The following DACH2 variants were observed in gnomAD, a reference collection of about 807,000 sequenced individuals.
DACH2 encodes the protein dachshund family transcription factor 2, also known as dachshund homolog 2.
Under a neutral mutation model 35.8 loss-of-function variants are expected in DACH2, and 17 were observed. The observed-to-expected ratio is 0.48, with a 90% CI of 0.33 to 0.71. The LOEUF is 0.71. DACH2 is among the 30% of genes least tolerant of loss of function. The probability of loss-of-function intolerance (pLI) is 0.02; values close to 1 mark genes in which losing one functional copy is unlikely to be tolerated. For missense variants in DACH2, 469 were observed against 472.7 expected (o/e 0.99, Z 0.07); for synonymous variants, 195 against 177.3 (o/e 1.10, Z -0.79).
chrX:86,404,450 A>G (rs2036490227), intron 2 of DACH2, among the ~76,000 whole-genome samples: 1 of 111,967 alleles, frequency 8.9e-6, no homozygotes, highest in Non-Finnish European at 1.9e-5. Flanking sequence ...CAAGTCCAAA[A>G]TCCAATAGGG....
In DACH2 at chrX:86,195,779, A is replaced by G. The variant is rs373421705; in HGVS notation, c.488+46671A>G. 7.2e-4 allele frequency among the ~76,000 whole-genome samples: 80 copies of G among 111,015 alleles called. 2 individuals carry two copies. In the South Asian group the frequency reaches 0.031, roughly 43 times the overall value. On this transcript the variant is annotated intron_variant, in intron 1 of 11. Coordinates refer to ENST00000373125, the MANE Select transcript of DACH2 (RefSeq NM_053281.3). ...CTCAAGGAGCCAAAGTCAGGGCCCA[A>G]TACAAGTCCCCCTGCATTAGAGCAC...
chrX:86,685,763 G>A (rs755876499), intron 4 of DACH2, among the ~76,000 whole-genome samples: 2 of 110,433 alleles, frequency 1.8e-5, no homozygotes, highest in East Asian at 5.7e-4. Flanking sequence ...GGGTGAGGGC[G>A]AGGTTCCACA....
intron 2 of DACH2, among the ~76,000 whole-genome samples, chrX:86,387,221 G>A (rs2036134896): frequency 9.0e-6 from 1 of 111,388 alleles, no homozygotes; most frequent in South Asian, 3.7e-4. Flanking sequence ...AGGGTTTGGG[G>A]TCAAATAAAT....
chrX:86,506,680 C>T (rs891694632), intron 2 of DACH2, among the ~76,000 whole-genome samples: 1 of 111,844 alleles, frequency 8.9e-6, no homozygotes, highest in African/African-American at 3.2e-5. Context: ...AGGCATGAAC[C>T]ACCACACCTG....
chrX:86,235,669 A>G (rs1034866620), intron 1 of DACH2, among the ~76,000 whole-genome samples: 5 of 112,375 alleles, frequency 4.4e-5, no homozygotes, highest in Non-Finnish European at 9.4e-5. Flanking sequence ...AAAATTATTT[A>G]AAATACTCTA....
At chrX:86,725,237 G>A (rs1200146267) in intron 6 of DACH2, among the ~76,000 whole-genome samples, 1 of 110,747 alleles carries the variant, frequency 9.0e-6, no homozygotes, top group East Asian at 2.8e-4. Context: ...GTTTTATTGT[G>A]TCATATTTCC....
chrX:86,539,088 G>A (rs901382754), intron 3 of DACH2, among the ~76,000 whole-genome samples: 40 of 111,150 alleles, frequency 3.6e-4, no homozygotes, highest in Non-Finnish European at 7.0e-4. Flanking sequence ...ATCTCATCTC[G>A]AATTGTAATC....
At chrX:86,360,807 G>C (rs776374280) in intron 1 of DACH2, among the ~76,000 whole-genome samples, 3 of 111,140 alleles carry the variant, frequency 2.7e-5, no homozygotes, top group South Asian at 3.7e-4. Context: ...AAACATTTTT[G>C]CCCTAATAGC....
At chrX:86,696,161 C>T (rs1360804240) in intron 5 of DACH2, among the ~76,000 whole-genome samples, 5 of 111,015 alleles carry the variant, frequency 4.5e-5, no homozygotes, top group African/African-American at 1.3e-4. Flanking sequence ...ATGGATAATC[C>T]AGGATAGGGT....
chrX:86,189,991 C>T (rs1290745900), intron 1 of DACH2, among the ~76,000 whole-genome samples: 1 of 109,191 alleles, frequency 9.2e-6, no homozygotes, highest in Non-Finnish European at 1.9e-5. Flanking sequence ...TGGTGAAACC[C>T]CGTCTCTACT....
chrX:86,796,519 T>C (rs139962592), intron 7 of DACH2, among the ~76,000 whole-genome samples: 10 of 112,366 alleles, frequency 8.9e-5, no homozygotes, highest in African/African-American at 3.2e-4. Context: ...TCAAAAAATA[T>C]ACCAATTTCA....
chrX:86,769,702 A>G (rs1362200395), intron 7 of DACH2, among the ~76,000 whole-genome samples: 1 of 111,945 alleles, frequency 8.9e-6, no homozygotes, highest in Non-Finnish European at 1.9e-5. Flanking sequence ...AATCAAAGAC[A>G]TAAACCTTTT....
intron 2 of DACH2, among the ~76,000 whole-genome samples, chrX:86,495,302 C>T (rs898628652): frequency 1.8e-5 from 2 of 109,905 alleles, no homozygotes; most frequent in Non-Finnish European, 1.9e-5. Flanking sequence ...TTCTGATCCA[C>T]CCGCCTCGGT....
chrX:86,598,926 T>C (rs2039748687), intron 3 of DACH2, among the ~76,000 whole-genome samples: 2 of 110,122 alleles, frequency 1.8e-5, no homozygotes, highest in Admixed American at 9.7e-5. Flanking sequence ...TTACACTAGG[T>C]ATATCTCCTA....
intron 2 of DACH2, among the ~76,000 whole-genome samples, chrX:86,493,478 C>T (rs1359411270): frequency 9.0e-6 from 1 of 111,710 alleles, no homozygotes; most frequent in Non-Finnish European, 1.9e-5. Flanking sequence ...AATTATACTA[C>T]TACTACCATT....
At chrX:86,499,549 A>G (rs1212358642) in intron 2 of DACH2, among the ~76,000 whole-genome samples, 1 of 111,823 alleles carries the variant, frequency 8.9e-6, no homozygotes, top group Non-Finnish European at 1.9e-5. Flanking sequence ...AAGATCACAG[A>G]TATAATAGTG....
intron 3 of DACH2, among the ~76,000 whole-genome samples, chrX:86,538,754 T>C (rs2038839061): frequency 8.9e-6 from 1 of 111,792 alleles, no homozygotes; most frequent in South Asian, 3.7e-4. Context: ...GCCTCACTTC[T>C]GAACACTGTT....
At chrX:86,213,174 G>A (rs900882448) in intron 1 of DACH2, among the ~76,000 whole-genome samples, 9 of 111,561 alleles carry the variant, frequency 8.1e-5, no homozygotes, top group Non-Finnish European at 1.7e-4. Context: ...GACCTAGGAA[G>A]GGAATGAGCA....
chrX:86,324,863 T>C (rs1471594918), intron 1 of DACH2, among the ~76,000 whole-genome samples: 2 of 110,384 alleles, frequency 1.8e-5, no homozygotes, highest in Admixed American at 1.9e-4. Flanking sequence ...ACTCAAGCCT[T>C]CAGCAGATCC....
Sources: allele counts gnomAD v4.1 joint callset (sites outside exome capture counted in the v4.1 genomes callset), GRCh38; gene constraint gnomAD v4.1.1; transcripts MANE v1.5; gene names NCBI Gene and HGNC (gene_info 2026-07-23, HGNC 2026-07-21).